The following ZNF804B variants were observed in gnomAD, a reference collection of about 807,000 sequenced individuals.
ZNF804B encodes the protein zinc finger protein 804B.
A neutral mutation model predicts 101.4 loss-of-function variants in ZNF804B; 80 were observed. That is an observed-to-expected ratio of 0.79 (90% CI 0.66 to 0.95). The LOEUF (loss-of-function observed/expected upper bound fraction) is 0.95. ZNF804B is among the 40% of genes least tolerant of loss of function. The probability of loss-of-function intolerance (pLI) is 0.00; values close to 1 mark genes in which losing one functional copy is unlikely to be tolerated. For missense variants in ZNF804B, 1,673 were observed against 1,561.9 expected, an observed-to-expected ratio of 1.07 and a Z score of -1.20; for synonymous variants, 622 against 558.8, an observed-to-expected ratio of 1.11 and a Z score of -1.59.
chr7:88,957,958 T>C (rs1029333971), intron 1 of ZNF804B, among the ~76,000 whole-genome samples: 2 of 151,148 alleles, frequency 1.3e-5, no homozygotes, highest in Non-Finnish European at 3.0e-5. Flanking sequence ...AGTACTATTA[T>C]ATCTGTAGTT....
intron 1 of ZNF804B, among the ~76,000 whole-genome samples, chr7:88,958,814 T>C (rs1417177023): frequency 6.6e-6 from 1 of 151,412 alleles, no homozygotes; most frequent in Non-Finnish European, 1.5e-5. Flanking sequence ...AGACTAATGA[T>C]AGTGTTGGGA....
intron 1 of ZNF804B, among the ~76,000 whole-genome samples, chr7:89,065,034 T>C (rs1789438615): frequency 6.6e-6 from 1 of 151,872 alleles, no homozygotes; most frequent in African/African-American, 2.4e-5. Context: ...GGAAACAGTT[T>C]GGAGGAAAAA....
chr7:88,798,100 A>T (rs11760949), intron 1 of ZNF804B, among the ~76,000 whole-genome samples: 39,855 of 151,928 alleles, frequency 0.26, 5,791 homozygotes, highest in East Asian at 0.41. Flanking sequence ...CAGAACCTTG[A>T]TGGCTTCCCC....
intron 1 of ZNF804B, among the ~76,000 whole-genome samples, chr7:88,892,606 T>C (rs1792229128): frequency 6.6e-6 from 1 of 152,164 alleles, no homozygotes; most frequent in African/African-American, 2.4e-5. Context: ...CTTGTTGTTC[T>C]TTGAGATTCC....
At chr7:88,819,030 TAAAC>T (rs1790930673) in intron 1 of ZNF804B, among the ~76,000 whole-genome samples, 2 of 152,218 alleles carry the variant, frequency 1.3e-5, no homozygotes, top group African/African-American at 4.8e-5. Context: ...ATTATTTAAA[TAAAC>T]AGCAGCAGGA....
chr7:89,169,453 A>G (rs1791192839), intron 1 of ZNF804B, among the ~76,000 whole-genome samples: 1 of 151,890 alleles, frequency 6.6e-6, no homozygotes, highest in Admixed American at 6.6e-5. Context: ...TTACTACCTG[A>G]TTGGTCGGGT....
At chr7:89,156,239 G>A (rs2040682) in intron 1 of ZNF804B, among the ~76,000 whole-genome samples, 32,240 of 151,080 alleles carry the variant, frequency 0.21, 3,679 homozygotes, top group African/African-American at 0.23. Flanking sequence ...TCAGCCTCCC[G>A]AGTAGCTGGG....
intron 2 of ZNF804B, among the ~76,000 whole-genome samples, chr7:89,232,954 C>G (rs971118310): frequency 6.6e-6 from 1 of 152,112 alleles, no homozygotes; most frequent in African/African-American, 2.4e-5. Context: ...TGGAGTCTCG[C>G]TCTGTCGCCC....
chr7:88,956,744 A>G (rs2116080823), intron 1 of ZNF804B, among the ~76,000 whole-genome samples: 1 of 151,554 alleles, frequency 6.6e-6, no homozygotes, highest in South Asian at 2.1e-4. Context: ...AATTATGAAC[A>G]TGTTAATATA....
At chr7:88,907,759 A>T (rs1792494895) in intron 1 of ZNF804B, among the ~76,000 whole-genome samples, 1 of 151,964 alleles carries the variant, frequency 6.6e-6, no homozygotes, top group Non-Finnish European at 1.5e-5. Flanking sequence ...CATGTGTTTG[A>T]ATTTTAACTT....
intron 1 of ZNF804B, among the ~76,000 whole-genome samples, chr7:88,854,818 G>T (rs944785311): frequency 5.4e-5 from 7 of 130,354 alleles, no homozygotes; most frequent in African/African-American, 1.8e-4. Context: ...TGTGTTCTCA[G>T]TGTTCAATTC....
chr7:89,249,585 A>C (rs987208666), intron 2 of ZNF804B, among the ~76,000 whole-genome samples: 1 of 152,174 alleles, frequency 6.6e-6, no homozygotes, highest in African/African-American at 2.4e-5. Context: ...ATTTGAAATA[A>C]ATGAAAACAC....
chr7:88,770,985 A>T (rs1644031665), intron 1 of ZNF804B, among the ~76,000 whole-genome samples: 1 of 152,214 alleles, frequency 6.6e-6, no homozygotes, highest in Non-Finnish European at 1.5e-5. Flanking sequence ...TTTGAAATAT[A>T]ACATACTGAT....
At chr7:89,036,892 A>G (rs1050317731) in intron 1 of ZNF804B, among the ~76,000 whole-genome samples, 2 of 152,148 alleles carry the variant, frequency 1.3e-5, no homozygotes, top group African/African-American at 4.8e-5. Context: ...GTCAGACAAT[A>G]AACAGTCAGA....
chr7:88,884,750 T>C (rs920538579), intron 1 of ZNF804B, among the ~76,000 whole-genome samples: 3 of 149,760 alleles, frequency 2.0e-5, no homozygotes, highest in African/African-American at 7.3e-5. Context: ...TCATGCTCTT[T>C]TGTCTTAAAA....
At chr7:89,074,280 G>GA (rs1406865795) in intron 1 of ZNF804B, among the ~76,000 whole-genome samples, 1 of 152,108 alleles carries the variant, frequency 6.6e-6, no homozygotes, top group Non-Finnish European at 1.5e-5. Flanking sequence ...CCAGGCAAAT[G>GA]AAAAAATCAA....
intron 1 of ZNF804B, among the ~76,000 whole-genome samples, chr7:89,203,704 A>C (rs976725655): frequency 6.6e-6 from 1 of 152,168 alleles, no homozygotes; most frequent in Non-Finnish European, 1.5e-5. Flanking sequence ...TCTCTGGTAC[A>C]GAACAAGTAA....
chr7:88,794,051 T>C, intron 1 of ZNF804B: 1 of 665,426 alleles, frequency 1.5e-6, no homozygotes, highest in Non-Finnish European at 2.4e-6. Context: ...CTATAAAGAT[T>C]AATATATTAC....
chr7:89,328,370 ATAATC>A (rs2115985285), intron 3 of ZNF804B, among the ~76,000 whole-genome samples: 1 of 151,972 alleles, frequency 6.6e-6, no homozygotes, highest in Non-Finnish European at 1.5e-5. Context: ...AACTTTTAGA[ATAATC>A]TAATTAATTT....
Sources: gnomAD v4.1 joint callset for allele counts (sites outside exome capture counted in the v4.1 genomes callset) on GRCh38, gnomAD v4.1.1 for gene constraint, MANE v1.5 for transcripts, NCBI Gene and HGNC (gene_info 2026-07-23, HGNC 2026-07-21) for gene names.